BCAP31: variants seen among roughly 807,000 people sequenced by gnomAD.
BCAP31 encodes the protein B-cell receptor-associated protein 31.
For missense variants in BCAP31, 124 were observed against 193.0 expected, an observed-to-expected ratio of 0.64 and a Z score of 2.12; for synonymous variants, 75 against 80.9, an observed-to-expected ratio of 0.93 and a Z score of 0.39.
chrX:153,715,591 G>T lies in BCAP31; in HGVS notation c.292C>A (p.Arg98Ser). Reference protein sequence around the residue: ...AMEHFHMKLFRAQRNLYIAGF... With the variant: ...AMEHFHMKLFSAQRNLYIAGF... ...GCAATGTAGAGATTCCTCTGGGCAC[G>T]GAAAAGCTTCATGTGGAAGTGCTCC... The change falls in exon 4 of 8, where the codon CGT becomes AGT. Residue 98 changes from arginine (R) to serine (S), a missense_variant. Arg to Ser is a moderately radical substitution (Grantham distance 110). Transcript: ENST00000345046. The T allele has an allele frequency of 8.3e-7, 1 of 1,211,453 alleles. No individual in the cohort carries two copies. The highest frequency in any genetic ancestry group is 1.1e-6 in the Non-Finnish European group (1 of 895,277).
chrX:153,715,395 C>T, intron 4 of BCAP31, 147 bp downstream of exon 4: 3 of 911,685 alleles, frequency 3.3e-6, no homozygotes, highest in Non-Finnish European at 4.6e-6. Flanking sequence ...TATGTGGCTT[C>T]CCTAACACAG....
rs868978525 is a variant in BCAP31 at position 153,711,162 on chromosome X, G to A, written c.341+4380C>T. Among the ~76,000 whole-genome samples, 8 of 15,734 alleles carry A rather than the reference G, an allele frequency of 5.1e-4. No individual in the cohort carries two copies. In the South Asian group the frequency reaches 0.021, roughly 40 times the overall value. 13.7% of individuals were successfully genotyped at this position (15,734 alleles called of 115,157 possible). On this transcript the variant is annotated intron_variant, in intron 4 of 7. Coordinates refer to ENST00000345046, the MANE Select transcript of BCAP31 (RefSeq NM_001256447.2). ...CAGCCAGAGCTCCCTTTCCAGCAGG[G>A]GGCTGCGTCCTCGATTCCGCAAGTC...
chrX:153,702,884 G>C (rs1557047669), intron 6 of BCAP31, 51 bp downstream of exon 6: 1 of 1,196,915 alleles, frequency 8.4e-7, no homozygotes, highest in Admixed American at 2.2e-5. Context: ...AGCGGGCAGA[G>C]GAGGCTCCTC....
At chrX:153,718,317 CAA>C (rs60097594) in intron 3 of BCAP31, among the ~76,000 whole-genome samples, 3 of 30,495 alleles carry the variant, frequency 9.8e-5, no homozygotes, top group Non-Finnish European at 1.3e-4. Flanking sequence ...GATTCCATCT[CAA>C]AAAAAAAAAA....
At chrX:153,706,734 G>T (rs1203967845) in intron 4 of BCAP31, among the ~76,000 whole-genome samples, 2 of 112,290 alleles carry the variant, frequency 1.8e-5, no homozygotes, top group African/African-American at 6.5e-5. Context: ...TGCCTGACCT[G>T]ACCACCTCGT....
In BCAP31 at chrX:153,700,903, G is replaced by A. The variant is rs1427489765; in HGVS notation, c.*34C>T. 4 of 1,195,830 alleles carry A rather than the reference G, an allele frequency of 3.3e-6. No homozygotes were observed. Among genetic ancestry groups the A allele is most frequent in the Non-Finnish European group, 4.5e-6 (4 of 885,666 alleles). On this transcript the variant is annotated 3_prime_UTR_variant, in exon 8 of 8. Transcript: ENST00000345046. ...GGAAGCAGCAGGCACGTGCCAGGTG[G>A]AAGCCAGCTGCAGGCAGGGGAGGAA...
At chrX:153,702,382 G>GTTA in intron 6 of BCAP31, 2 of 285,646 alleles carry the variant, frequency 7.0e-6, no homozygotes, top group Non-Finnish European at 1.2e-5. Context: ...CTCGGCAAGG[G>GTTA]TAACCTCCAG....
intron 7 of BCAP31, among the ~76,000 whole-genome samples, chrX:153,701,692 G>A (rs1394813856): frequency 8.8e-6 from 1 of 113,047 alleles, no homozygotes; most frequent in Non-Finnish European, 1.9e-5. Context: ...GTGGGTCCCA[G>A]AGTTTCACCT....
intron 2 of BCAP31, 112 bp downstream of exon 2, chrX:153,723,041 A>G (rs1386511584): frequency 1.0e-6 from 1 of 997,025 alleles, no homozygotes; most frequent in Non-Finnish European, 1.4e-6. Context: ...GACAGGTTCT[A>G]CCTGTTCCAT....
At chrX:153,717,987 A>C (rs1437715435) in intron 3 of BCAP31, among the ~76,000 whole-genome samples, 3 of 112,051 alleles carry the variant, frequency 2.7e-5, no homozygotes, top group South Asian at 7.3e-4. Flanking sequence ...ACATGAGAGA[A>C]TACTACATGA....
intron 1 of BCAP31, chrX:153,723,491 G>A (rs1557051536): frequency 2.6e-6 from 3 of 1,152,741 alleles, no homozygotes; most frequent in African/African-American, 3.6e-5. Flanking sequence ...ACAAACTTCC[G>A]TTCGCTGGTC....
chrX:153,716,427 G>A (rs782326218), intron 3 of BCAP31, among the ~76,000 whole-genome samples: 7 of 108,519 alleles, frequency 6.5e-5, no homozygotes, highest in Non-Finnish European at 9.6e-5. Context: ...TGCCTGCTCC[G>A]GGGACCTAAG....
At chrX:153,723,421 G>A (rs1351720774) in intron 1 of BCAP31, 133 bp from the exon 2 acceptor site, 11 of 1,127,162 alleles carry the variant, frequency 9.8e-6, no homozygotes, top group African/African-American at 3.6e-5. Flanking sequence ...TCTCTGATGC[G>A]CTGGCGGAAG....
At chrX:153,713,876 CTATT>C (rs1180218369) in intron 4 of BCAP31, among the ~76,000 whole-genome samples, 4 of 98,344 alleles carry the variant, frequency 4.1e-5, no homozygotes, top group African/African-American at 1.6e-4. Context: ...CTTCCCGATA[CTATT>C]CTTTTTTTTT....
At position 153,704,270 on chromosome X, in the gene BCAP31, G is replaced by A. The variant is rs138845807; in HGVS notation, c.342-176C>T. 2.6e-3 allele frequency among the ~76,000 whole-genome samples: 292 copies of A among 112,343 alleles called. 7 individuals are homozygous for A. The East Asian group carries it at 0.066, about 25-fold the overall frequency. ...GCTGGCAGCGTGAGGGAAAAGGTGG[G>A]GCCCAGGAGCCGTCCTCTGCCGCTG... is the stretch of plus-strand genomic sequence containing the variant. On this transcript the variant is annotated intron_variant, in intron 4 of 7. Transcript: ENST00000345046.
At chrX:153,723,930 G>A in intron 1 of BCAP31, 1 of 484,141 alleles carries the variant, frequency 2.1e-6, no homozygotes, top group Non-Finnish European at 3.7e-6. Context: ...GGGACCAAGC[G>A]CAAAGGCAGG....
intron 4 of BCAP31, among the ~76,000 whole-genome samples, chrX:153,710,479 T>C (rs1399803780): frequency 2.7e-5 from 3 of 111,015 alleles, no homozygotes; most frequent in Non-Finnish European, 5.7e-5. Flanking sequence ...GCCACGATGG[T>C]TGGGCAGTCA....
Position 153,723,140 on chromosome X carries a change from C to G in BCAP31, c.92+13G>C. 5.0e-6 allele frequency: 6 copies of G among 1,208,975 alleles called. No individual in the cohort carries two copies. In the South Asian group the frequency reaches 1.1e-4, roughly 21 times the overall value. On this transcript the variant is annotated intron_variant, in intron 2 of 7. Transcript: ENST00000345046. ...CTCCTGCCTAACTCGCCTGCTTGCT[C>G]CATAGGCCATACCTTTTAGGAGAAA...
intron 4 of BCAP31, among the ~76,000 whole-genome samples, chrX:153,713,639 T>C (rs1331300490): frequency 9.0e-6 from 1 of 111,537 alleles, no homozygotes; most frequent in Non-Finnish European, 1.9e-5. Context: ...TCGGTGGCAA[T>C]GCCTTCTGCA....
Sources: allele counts gnomAD v4.1 joint callset (sites outside exome capture counted in the v4.1 genomes callset), GRCh38; gene constraint gnomAD v4.1.1; transcripts MANE v1.5; gene names NCBI Gene and HGNC (gene_info 2026-07-23, HGNC 2026-07-21).